AMBRA1: variants seen among roughly 807,000 people sequenced by gnomAD.
AMBRA1 encodes activating molecule in BECN1-regulated autophagy protein 1.
Under a neutral mutation model 125.4 loss-of-function variants are expected in AMBRA1, and 47 were observed. The observed-to-expected ratio is 0.37, with a 90% CI of 0.30 to 0.48. The LOEUF (loss-of-function observed/expected upper bound fraction) is 0.48. Ranked by LOEUF, AMBRA1 falls within the 20% of genes least tolerant of loss-of-function variation. AMBRA1 has a pLI of 0.99. For missense variants in AMBRA1, 1,331 were observed against 1,693.4 expected, an observed-to-expected ratio of 0.79 and a Z score of 3.76; for synonymous variants, 626 against 655.5, an observed-to-expected ratio of 0.95 and a Z score of 0.69.
chr11:46,458,906 T>A (rs1948969786), intron 11 of AMBRA1, among the ~76,000 whole-genome samples: 1 of 152,240 alleles, frequency 6.6e-6, no homozygotes, highest in African/African-American at 2.4e-5. Flanking sequence ...TTACTACCTA[T>A]GCGTATTAGA....
intron 15 of AMBRA1, among the ~76,000 whole-genome samples, chr11:46,412,052 C>T (rs1201598727): frequency 1.3e-5 from 2 of 152,210 alleles, no homozygotes; most frequent in East Asian, 3.8e-4. Flanking sequence ...TAGTAAACCT[C>T]TCCCAGCTCC....
intron 11 of AMBRA1, among the ~76,000 whole-genome samples, chr11:46,464,904 G>T (rs1289670892): frequency 6.6e-6 from 1 of 152,126 alleles, no homozygotes; most frequent in African/African-American, 2.4e-5. Context: ...AATTAGCCAG[G>T]CATGGTGGTG....
chr11:46,549,158 A>G (rs772966193), intron 1 of AMBRA1: 1 of 152,256 alleles, frequency 6.6e-6, no homozygotes, highest in Non-Finnish European at 1.5e-5. Context: ...TTCATCAGAA[A>G]TTAAAATTCT....
intron 7 of AMBRA1, among the ~76,000 whole-genome samples, chr11:46,530,043 A>AC (rs1173372921): frequency 6.6e-6 from 1 of 152,116 alleles, no homozygotes. Flanking sequence ...TGCAAACAGA[A>AC]CCCCATACAC....
rs187859389 is a variant in AMBRA1 at position 46,400,177 on chromosome 11, C to T, written c.3404-2234G>A. ...AACTATGATCAAGGCTCTGAGGCTGCGAGGGATGGCTCCACTGAACTGCTG... is the reference window on the plus strand; with the variant it reads ...AACTATGATCAAGGCTCTGAGGCTGTGAGGGATGGCTCCACTGAACTGCTG... On this transcript the variant is annotated intron_variant, in intron 17 of 17. Transcript: ENST00000683756. 4.6e-5 allele frequency among the ~76,000 whole-genome samples: 7 copies of T among 152,238 alleles called. 1 individual carries two copies. Among genetic ancestry groups the T allele is most frequent in the South Asian group, 4.1e-4 (2 of 4,822 alleles).
intron 11 of AMBRA1, among the ~76,000 whole-genome samples, chr11:46,492,667 C>T (rs1376710756): frequency 3.3e-5 from 5 of 152,164 alleles, no homozygotes; most frequent in Non-Finnish European, 7.4e-5. Flanking sequence ...TAGAGACTGA[C>T]CAGAAGCAAT....
chr11:46,451,162 G>T (rs547468656), intron 11 of AMBRA1, among the ~76,000 whole-genome samples: 1 of 152,254 alleles, frequency 6.6e-6, no homozygotes, highest in South Asian at 2.1e-4. Flanking sequence ...AGCAAAAGAA[G>T]AAATAAAGAT....
chr11:46,445,832 C>T (rs77191199), intron 11 of AMBRA1, among the ~76,000 whole-genome samples: 3,402 of 152,202 alleles, frequency 0.022, 126 homozygotes, highest in African/African-American at 0.078. Context: ...ACATGATGAA[C>T]AAAATGCTAG....
At chr11:46,464,723 A>G (rs1039996200) in intron 11 of AMBRA1, among the ~76,000 whole-genome samples, 2 of 152,088 alleles carry the variant, frequency 1.3e-5, no homozygotes, top group Non-Finnish European at 2.9e-5. Flanking sequence ...ACCAATCCAG[A>G]GTCCATACCC....
At chr11:46,417,618 G>A (rs918337986) in intron 15 of AMBRA1, among the ~76,000 whole-genome samples, 2 of 152,058 alleles carry the variant, frequency 1.3e-5, no homozygotes, top group Non-Finnish European at 2.9e-5. Flanking sequence ...TTGACTGCAG[G>A]GAAACTTTAG....
chr11:46,513,265 TTTC>T (rs140839565), intron 7 of AMBRA1, among the ~76,000 whole-genome samples: 7,643 of 147,246 alleles, frequency 0.052, 549 homozygotes, highest in African/African-American at 0.19. Context: ...TACGCTCTTT[TTTC>T]TTTTTTTTTT....
At chr11:46,575,891 C>A (rs1263370365) in intron 1 of AMBRA1, among the ~76,000 whole-genome samples, 3 of 152,204 alleles carry the variant, frequency 2.0e-5, no homozygotes, top group African/African-American at 7.2e-5. Flanking sequence ...CAATTTTAAA[C>A]TGGCTCTTGC....
At chr11:46,434,344 C>CTGTTTT (rs1947608597) in intron 13 of AMBRA1, among the ~76,000 whole-genome samples, 1 of 151,794 alleles carries the variant, frequency 6.6e-6, no homozygotes, top group East Asian at 1.9e-4. Flanking sequence ...ACAAAAAACA[C>CTGTTTT]TTAAATTCAA....
intron 11 of AMBRA1, among the ~76,000 whole-genome samples, chr11:46,448,710 C>T (rs145536763): frequency 1.3e-5 from 2 of 151,694 alleles, no homozygotes; most frequent in East Asian, 1.9e-4. Context: ...AGGCCAACTA[C>T]GAAAAAAGAG....
Position 46,512,730 on chromosome 11 carries a change from G to C in AMBRA1, c.2156C>G (p.Ala719Gly). The change falls in exon 8 of 18, where the codon GCG (alanine) becomes GGG (glycine). Residue 719 changes from alanine (A) to glycine (G), a missense_variant. Physicochemically the swap from Ala to Gly is moderately conservative, Grantham distance 60. This residue lies in a region of AMBRA1 where 689 missense variants were observed against 776.5 expected (regional missense o/e 0.89). Coordinates refer to ENST00000683756, the MANE Select transcript of AMBRA1 (RefSeq NM_001387011.1). The part of the protein sequence containing the change: ...SREHPIYPDP[A>G]RLSPAAYYAQ... ...CCATTTCTCACTTTGGCCTTACCTC[G>C]CTGGGTCTGGGTAAATTGGGTGCTC... The C allele has an allele frequency of 6.2e-7, 1 of 1,612,424 alleles. No homozygotes were observed. The highest frequency in any genetic ancestry group is 8.5e-7 in the Non-Finnish European group (1 of 1,179,172).
intron 17 of AMBRA1, among the ~76,000 whole-genome samples, chr11:46,404,556 G>C (rs1469596053): frequency 6.6e-6 from 1 of 152,192 alleles, no homozygotes; most frequent in African/African-American, 2.4e-5. Context: ...TTCTGAAAGG[G>C]GTATGGTGTG....
intron 1 of AMBRA1, among the ~76,000 whole-genome samples, chr11:46,568,506 C>T (rs1185937392): frequency 1.3e-5 from 2 of 151,814 alleles, no homozygotes; most frequent in African/African-American, 4.8e-5. Flanking sequence ...GGTGCAACAG[C>T]TCATGCCTGT....
rs749900257 is a variant in AMBRA1 at position 46,397,797 on chromosome 11, CGAT to C, written c.3547_3549del (p.Ile1183del). 2.5e-6 allele frequency: 4 copies of C among 1,609,522 alleles called. No homozygotes were observed. Among genetic ancestry groups the C allele is most frequent in the African/African-American group, 1.3e-5 (1 of 74,906 alleles). On this transcript the variant is annotated inframe_deletion, in exon 18 of 18. Coordinates refer to ENST00000683756, the MANE Select transcript of AMBRA1 (RefSeq NM_001387011.1). ...GAGCTGCGGTGAATGCGGTGGCTGA[CGAT>C]GATGTTGTTGCCGAAGCCGCCCATG...
At chr11:46,401,083 T>C (rs2136583340) in intron 17 of AMBRA1, among the ~76,000 whole-genome samples, 1 of 152,294 alleles carries the variant, frequency 6.6e-6, no homozygotes, top group African/African-American at 2.4e-5. Context: ...AAGGGCTGCC[T>C]GGGGAGGTCC....
Sources: gnomAD v4.1 joint callset for allele counts (sites outside exome capture counted in the v4.1 genomes callset) on GRCh38, gnomAD v4.1.1 for gene constraint, gnomAD v4.1.1 regional missense constraint, MANE v1.5 for transcripts, NCBI Gene and HGNC (gene_info 2026-07-23, HGNC 2026-07-21) for gene names.